Variants in NCOA2 observed in about 807,000 individuals in gnomAD.
The protein encoded by NCOA2 is nuclear receptor coactivator 2, also known as class E basic helix-loop-helix protein 75.
NCOA2 carries 21 observed loss-of-function variants against 145.1 expected under a neutral mutation model. The observed-to-expected ratio is 0.14, with a 90% CI of 0.10 to 0.21. NCOA2 has a LOEUF of 0.21. NCOA2 is among the 10% of genes least tolerant of loss of function. NCOA2 has a pLI of 1.00. For synonymous variants in NCOA2, 619 were observed against 637.5 expected, an observed-to-expected ratio of 0.97 and a Z score of 0.44; for missense variants, 1,472 against 1,837.6, an observed-to-expected ratio of 0.80 and a Z score of 3.64.
intron 20 of NCOA2, 42 bp from the exon 21 acceptor site, chr8:70,124,124 T>C (rs766133983): frequency 3.2e-5 from 50 of 1,583,676 alleles, no homozygotes; most frequent in Non-Finnish European, 3.9e-5. Context: ...TACAGCTTGC[T>C]GGTATCCAGA....
In NCOA2 at chr8:70,333,461, G is replaced by A. The variant is rs566218841; in HGVS notation, c.-76-36661C>T. On this transcript the variant is annotated intron_variant, in intron 1 of 22. Coordinates refer to ENST00000452400, the MANE Select transcript of NCOA2 (RefSeq NM_006540.4). ...AGAGATTAAGCCTCTTGCTTCTTAA[G>A]AGCAATCATTGCCTTGCTCCAACAC... is the stretch of plus-strand genomic sequence containing the variant. 2.6e-5 allele frequency among the ~76,000 whole-genome samples: 4 copies of A among 152,320 alleles called. No individual in the cohort carries two copies. The East Asian group carries it at 7.7e-4, about 29-fold the overall frequency.
intron 1 of NCOA2, among the ~76,000 whole-genome samples, chr8:70,346,677 T>G (rs1808680596): frequency 6.6e-6 from 1 of 152,116 alleles, no homozygotes; most frequent in Non-Finnish European, 1.5e-5. Flanking sequence ...AGTGCCTACC[T>G]CATATTACCG....
chr8:70,317,972 A>G (rs1805742812), intron 1 of NCOA2, among the ~76,000 whole-genome samples: 1 of 152,180 alleles, frequency 6.6e-6, no homozygotes, highest in Non-Finnish European at 1.5e-5. Flanking sequence ...GTTTATTGCC[A>G]CTTTTAAGAC....
At chr8:70,118,604 C>T (rs1807412124) in intron 22 of NCOA2, among the ~76,000 whole-genome samples, 3 of 152,014 alleles carry the variant, frequency 2.0e-5, no homozygotes, top group Non-Finnish European at 4.4e-5. Context: ...AACTTGAATG[C>T]TAGTATTAAC....
At chr8:70,385,261 T>C (rs189865861) in intron 1 of NCOA2, among the ~76,000 whole-genome samples, 37 of 152,294 alleles carry the variant, frequency 2.4e-4, no homozygotes, top group Non-Finnish European at 4.1e-4. Context: ...CAAATACCTA[T>C]CACTGCAGGT....
At chr8:70,447,971 C>T in the NCOA2 span, among the ~76,000 whole-genome samples, 1 of 152,216 alleles carries the variant, frequency 6.6e-6, no homozygotes, top group Non-Finnish European at 1.5e-5. Flanking sequence ...AGGCATGAAC[C>T]ACCATGCCTA....
chr8:70,239,293 T>C (rs765819368), intron 2 of NCOA2, among the ~76,000 whole-genome samples: 1 of 152,116 alleles, frequency 6.6e-6, no homozygotes, highest in African/African-American at 2.4e-5. Flanking sequence ...GAACAATGGT[T>C]CATTCTGATA....
At chr8:70,183,345 A>C (rs566302653) in intron 4 of NCOA2, among the ~76,000 whole-genome samples, 2 of 152,368 alleles carry the variant, frequency 1.3e-5, no homozygotes, top group East Asian at 3.9e-4. Flanking sequence ...CCAAATATGA[A>C]TGTCAACTCA....
chr8:70,110,856 CAAGTT>C lies in NCOA2; in HGVS notation c.*2771_*2775del. 4.5e-6 allele frequency: 1 copy of C among 221,956 alleles called. No homozygotes were observed. Among genetic ancestry groups the C allele is most frequent in the Non-Finnish European group, 9.0e-6 (1 of 111,088 alleles). 13.7% of individuals were successfully genotyped at this position (221,956 alleles called of 1,614,324 possible). ...GAACACTTAAAATGAGTTTTACAAC[CAAGTT>C]AATGTATGTATACTTTTCACATTAT... On this transcript the variant is annotated 3_prime_UTR_variant, in exon 23 of 23. Transcript: ENST00000452400.
chr8:70,356,347 TC>T (rs1478223549), intron 1 of NCOA2, among the ~76,000 whole-genome samples: 1 of 152,012 alleles, frequency 6.6e-6, no homozygotes, highest in Non-Finnish European at 1.5e-5. Context: ...CTTTTTTTCT[TC>T]CCAATAAGTA....
chr8:70,270,861 A>G (rs1824993956), intron 2 of NCOA2, among the ~76,000 whole-genome samples: 1 of 152,224 alleles, frequency 6.6e-6, no homozygotes, highest in South Asian at 2.1e-4. Context: ...ATATGTTTGC[A>G]TAGTTATTTT....
intron 1 of NCOA2, among the ~76,000 whole-genome samples, chr8:70,344,853 CTT>C (rs959114917): frequency 6.6e-6 from 1 of 152,160 alleles, no homozygotes; most frequent in Non-Finnish European, 1.5e-5. Context: ...ATAATAAACA[CTT>C]AAGTGTCTCA....
intron 2 of NCOA2, among the ~76,000 whole-genome samples, chr8:70,270,226 C>T (rs1247138164): frequency 1.3e-5 from 2 of 151,658 alleles, no homozygotes; most frequent in East Asian, 3.9e-4. Flanking sequence ...GAAAAGAGAA[C>T]ATTAGGGAAG....
intron 1 of NCOA2, among the ~76,000 whole-genome samples, chr8:70,317,821 A>G (rs1292120962): frequency 1.3e-5 from 2 of 152,146 alleles, no homozygotes; most frequent in African/African-American, 4.8e-5. Flanking sequence ...ACACTTTGGG[A>G]GGCCAAGGCA....
Position 70,141,402 on chromosome 8 carries a change from G to C in NCOA2, c.2813-3C>G. ...AGAAGCACTGTTACCAATCATTCCT[G>C]CATGCAAGCCAAAGAAAACTGAGAG... On this transcript the variant is annotated splice_region_variant and splice_polypyrimidine_tract_variant and intron_variant, in intron 13 of 22. Transcript: ENST00000452400. The C allele has an allele frequency of 6.2e-7, 1 of 1,612,932 alleles. No homozygotes were observed. Among genetic ancestry groups the C allele is most frequent in the African/African-American group, 1.3e-5 (1 of 74,986 alleles).
At chr8:70,406,579 AATAAC>A (rs1412735062), upstream of NCOA2, among the ~76,000 whole-genome samples, 7 of 152,210 alleles carry the variant, frequency 4.6e-5, no homozygotes, top group Non-Finnish European at 1.0e-4. Context: ...TGGAAGTAGA[AATAAC>A]ATACCGTGAA....
intron 2 of NCOA2, among the ~76,000 whole-genome samples, chr8:70,267,310 A>AAAC (rs1296171570): frequency 1.4e-4 from 21 of 152,234 alleles, no homozygotes; most frequent in African/African-American, 5.1e-4. Flanking sequence ...TGAATCCAAC[A>AAAC]AACTTTTACT....
chr8:70,399,148 C>T (rs1047400159), intron 1 of NCOA2, among the ~76,000 whole-genome samples: 4 of 152,142 alleles, frequency 2.6e-5, no homozygotes, highest in Admixed American at 2.6e-4. Context: ...AGGTCTGCAA[C>T]ATTAAAATTG....
chr8:70,341,082 GAAAAA>G lies in NCOA2; in HGVS notation c.-76-44287_-76-44283del, dbSNP rs3085558. 1.6e-4 allele frequency among the ~76,000 whole-genome samples: 17 copies of G among 105,070 alleles called. 1 individual carries two copies. Among genetic ancestry groups the G allele is most frequent in the African/African-American group, 5.1e-4 (16 of 31,122 alleles). The allele number at this position is 105,070 out of a possible 152,430, so 68.9% of individuals were successfully genotyped here. On this transcript the variant is annotated intron_variant, in intron 1 of 22. Coordinates refer to ENST00000452400, the MANE Select transcript of NCOA2 (RefSeq NM_006540.4). The stretch of plus-strand genomic sequence containing the variant: ...TGTGTACCCCTGAACTTAAAAAGTT[GAAAAA>G]AAAAAAAAAAGAAACAAATAGGCTG...
Sources: gnomAD v4.1 joint callset for allele counts (sites outside exome capture counted in the v4.1 genomes callset) on GRCh38, gnomAD v4.1.1 for gene constraint, MANE v1.5 for transcripts, NCBI Gene and HGNC (gene_info 2026-07-23, HGNC 2026-07-21) for gene names.